The following TJP2 variants were observed in gnomAD, a reference collection of about 807,000 sequenced individuals.
TJP2 encodes tight junction protein 2.
In TJP2, 91 loss-of-function variants were observed where a neutral mutation model predicts 133.1. The ratio of observed to expected loss-of-function variants is 0.68; its 90% CI spans 0.58 to 0.81. The LOEUF is 0.81. Ranked by LOEUF, TJP2 falls within the 40% of genes least tolerant of loss-of-function variation. The pLI is 0.00. For missense variants in TJP2, 1,541 were observed against 1,565.6 expected, an observed-to-expected ratio of 0.98 and a Z score of 0.26; for synonymous variants, 592 against 583.4, an observed-to-expected ratio of 1.01 and a Z score of -0.21.
At chr9:69,142,230 G>C (rs2133296695) in intron 1 of TJP2, among the ~76,000 whole-genome samples, 1 of 152,330 alleles carries the variant, frequency 6.6e-6, no homozygotes, top group South Asian at 2.1e-4. Flanking sequence ...CGATAAATTT[G>C]ATGACATCCA....
intron 1 of TJP2, among the ~76,000 whole-genome samples, chr9:69,194,532 T>G (rs1228845230): frequency 1.3e-5 from 2 of 152,204 alleles, no homozygotes; most frequent in Non-Finnish European, 2.9e-5. Flanking sequence ...TTAACTAAAA[T>G]TAAACATTGC....
intron 1 of TJP2, among the ~76,000 whole-genome samples, chr9:69,196,227 A>T (rs1283176771): frequency 1.3e-5 from 2 of 152,178 alleles, no homozygotes; most frequent in Non-Finnish European, 2.9e-5. Flanking sequence ...AGTGGAAAGG[A>T]TATAAGCTTT....
chr9:69,171,560 T>C (rs1448937826), upstream of TJP2, among the ~76,000 whole-genome samples: 3 of 152,262 alleles, frequency 2.0e-5, no homozygotes, highest in South Asian at 2.1e-4. Flanking sequence ...TCTTAAAAAC[T>C]CATTCCGACC....
intron 1 of TJP2, among the ~76,000 whole-genome samples, chr9:69,139,351 C>T (rs116905617): frequency 0.013 from 1,910 of 152,232 alleles, 31 homozygotes; most frequent in Admixed American, 0.051. Flanking sequence ...TTTGGAGATG[C>T]GGTGTTTATA....
intron 1 of TJP2, among the ~76,000 whole-genome samples, chr9:69,150,461 T>C (rs1190609812): frequency 6.6e-6 from 1 of 151,388 alleles, no homozygotes; most frequent in Non-Finnish European, 1.5e-5. Context: ...GCCCAGCTAA[T>C]TTTTGTATTT....
rs139064965 is a variant in TJP2 at position 69,125,902 on chromosome 9, T to C, written c.-131+4177T>C. Among the ~76,000 whole-genome samples, 228 of 77,326 alleles carry C rather than the reference T, an allele frequency of 2.9e-3. 77 individuals carry two copies. Among genetic ancestry groups the C allele is most frequent in the African/African-American group, 8.6e-3 (217 of 25,352 alleles). The allele number at this position is 77,326 out of a possible 152,430, so 50.7% of individuals were successfully genotyped here. ...AGGAGATATCAAGGTACTGGACTAG[T>C]ATTTGATTTAGCATTAATGAACACT... On this transcript the variant is annotated intron_variant, in intron 1 of 5. Transcript: ENST00000423935.
chr9:69,171,789 ATTTTTTT>A (rs34717893), upstream of TJP2, among the ~76,000 whole-genome samples: 824 of 86,788 alleles, frequency 9.5e-3, 8 homozygotes, highest in South Asian at 0.06. Context: ...GAGTAGAAGA[ATTTTTTT>A]TTTTTTTTTT....
At chr9:69,174,596 C>T (rs967360294) in intron 1 of TJP2, among the ~76,000 whole-genome samples, 164 bp downstream of exon 1, 2 of 152,344 alleles carry the variant, frequency 1.3e-5, no homozygotes, top group African/African-American at 2.4e-5. Flanking sequence ...GGGTAGGTTT[C>T]ACCGTCCGGG....
chr9:69,237,734 T>G, intron 14 of TJP2, 144 bp from the exon 15 acceptor site: 1 of 686,552 alleles, frequency 1.5e-6, no homozygotes, highest in East Asian at 2.8e-5. Context: ...GGCATATTCT[T>G]CAGAACAGAG....
chr9:69,243,822 GT>G (rs1830731370), intron 17 of TJP2, among the ~76,000 whole-genome samples: 1 of 152,166 alleles, frequency 6.6e-6, no homozygotes, highest in Non-Finnish European at 1.5e-5. Flanking sequence ...GCGTGCCACT[GT>G]TAACCGAGCC....
chr9:69,128,571 G>A lies in TJP2; in HGVS notation c.-131+6846G>A, dbSNP rs191670249. On this transcript the variant is annotated intron_variant, in intron 1 of 5. Coordinates refer to the TJP2 transcript ENST00000423935. ...GGAGTCTGGCTCTGTCGCCCAGGCT[G>A]GAGTGCAGTGGAGTGATCTCGTTTC... 2.3e-3 allele frequency among the ~76,000 whole-genome samples: 340 copies of A among 149,754 alleles called. 1 individual carries two copies. The highest frequency in any genetic ancestry group is 6.1e-3 in the Admixed American group (91 of 14,976).
chr9:69,163,064 C>T (rs1824171807), intron 2 of TJP2, among the ~76,000 whole-genome samples: 1 of 39,086 alleles, frequency 2.6e-5, no homozygotes, highest in African/African-American at 1.1e-4. Context: ...CTCGCTCTGT[C>T]GCCCAGGCTG....
At chr9:69,228,250 A>G (rs1829499341) in intron 9 of TJP2, 136 bp downstream of exon 9, 3 of 1,112,424 alleles carry the variant, frequency 2.7e-6, no homozygotes, top group South Asian at 2.7e-5. Flanking sequence ...GCTAATTAAC[A>G]TGGTAACAGA....
intron 20 of TJP2, among the ~76,000 whole-genome samples, chr9:69,250,794 G>A (rs1831274268): frequency 6.6e-6 from 1 of 152,156 alleles, no homozygotes; most frequent in South Asian, 2.1e-4. Context: ...AGCCCTCCCA[G>A]CACTTTCCCT....
chr9:69,137,271 TTTTCTTTC>T (rs71507118), intron 1 of TJP2, among the ~76,000 whole-genome samples: 8 of 92,090 alleles, frequency 8.7e-5, no homozygotes, highest in South Asian at 8.1e-4. Flanking sequence ...CTTTCTTTCT[TTTTCTTTC>T]TTTCTTTCTT....
chr9:69,132,950 A>G (rs562362472), intron 1 of TJP2, among the ~76,000 whole-genome samples: 2 of 143,760 alleles, frequency 1.4e-5, no homozygotes, highest in African/African-American at 5.1e-5. Flanking sequence ...TCTTCATCTA[A>G]AAACAGGGAG....
Position 69,174,325 on chromosome 9 carries a change from C to T in TJP2, c.-48C>T, listed in dbSNP as rs1824888472. 5.8e-6 allele frequency: 9 copies of T among 1,550,712 alleles called. No individual in the cohort carries two copies. The highest frequency in any genetic ancestry group is 1.2e-5 in the South Asian group (1 of 84,030). On this transcript the variant is annotated 5_prime_UTR_variant, in exon 1 of 23. Transcript: ENST00000377245. ...GGAGGAGTAGGAGCAGGAGCAGAAG[C>T]AGAAGCGGGGTCCGGAGCTGCGCGC...
intron 4 of TJP2, among the ~76,000 whole-genome samples, chr9:69,219,118 C>T (rs536332375): frequency 6.6e-6 from 1 of 152,002 alleles, no homozygotes; most frequent in African/African-American, 2.4e-5. Flanking sequence ...TACAGGCATG[C>T]ACCACCACAC....
chr9:69,210,827 A>G (rs1827849839), intron 1 of TJP2, among the ~76,000 whole-genome samples: 1 of 148,794 alleles, frequency 6.7e-6, no homozygotes, highest in Non-Finnish European at 1.5e-5. Flanking sequence ...TCCTGCACTC[A>G]ACTGATCACC....
Sources: allele counts gnomAD v4.1 joint callset (sites outside exome capture counted in the v4.1 genomes callset), GRCh38; gene constraint gnomAD v4.1.1; transcripts MANE v1.5; gene names NCBI Gene and HGNC (gene_info 2026-07-23, HGNC 2026-07-21).